Variants in TANGO6 observed in about 807,000 individuals in gnomAD.
The protein encoded by TANGO6 is transport and golgi organization 6 homolog.
TANGO6 carries 90 observed loss-of-function variants against 114.2 expected under a neutral mutation model. The ratio of observed to expected loss-of-function variants is 0.79; its 90% CI spans 0.66 to 0.94. The LOEUF (loss-of-function observed/expected upper bound fraction) is 0.94, where lower values mean the gene tolerates loss of function less well. Among genes scored for constraint, TANGO6 ranks in the 40% least tolerant of loss-of-function variants. The probability of loss-of-function intolerance (pLI) is 0.00; values close to 1 mark genes in which losing one functional copy is unlikely to be tolerated. For synonymous variants in TANGO6, 477 were observed against 509.8 expected, an observed-to-expected ratio of 0.94 and a Z score of 0.87; for missense variants, 1,274 against 1,315.3, an observed-to-expected ratio of 0.97 and a Z score of 0.49.
chr16:68,970,981 C>T (rs1049351083), intron 14 of TANGO6, among the ~76,000 whole-genome samples: 6 of 151,916 alleles, frequency 3.9e-5, no homozygotes, highest in African/African-American at 1.2e-4. Context: ...GGTGAAACCC[C>T]GTCTCTACCA....
intron 12 of TANGO6, among the ~76,000 whole-genome samples, chr16:68,920,301 A>C (rs1452530093): frequency 1.3e-5 from 2 of 152,228 alleles, no homozygotes; most frequent in Non-Finnish European, 2.9e-5. Flanking sequence ...AGGAAGTGTA[A>C]GCGTAAGCTA....
rs879873482 is a variant in TANGO6 at position 68,849,659 on chromosome 16, CA to C, written c.94+5959del. ...TGGGTGACAGAGTGAGACCCTGTCTCAAAAAAAAAAATGAAAAGGAAAAAGA... is the reference window on the plus strand; with the variant it reads ...TGGGTGACAGAGTGAGACCCTGTCTCAAAAAAAAAATGAAAAGGAAAAAGA... On this transcript the variant is annotated intron_variant, in intron 1 of 17. Transcript: ENST00000261778. 8.0e-3 allele frequency among the ~76,000 whole-genome samples: 1,083 copies of C among 135,112 alleles called. 6 individuals are homozygous for C. Among genetic ancestry groups the C allele is most frequent in the Middle Eastern group, 0.015 (4 of 272 alleles). The allele number at this position is 135,112 out of a possible 152,430, so 88.6% of individuals were successfully genotyped here.
chr16:68,897,371 A>G (rs1165066559), intron 7 of TANGO6, among the ~76,000 whole-genome samples: 2 of 152,196 alleles, frequency 1.3e-5, no homozygotes, highest in Non-Finnish European at 2.9e-5. Flanking sequence ...CTTGAAGCAG[A>G]TACTTTGTTC....
At chr16:68,878,490 T>A (rs573567106) in intron 6 of TANGO6, among the ~76,000 whole-genome samples, 2 of 152,306 alleles carry the variant, frequency 1.3e-5, no homozygotes, top group Admixed American at 6.5e-5. Context: ...TAACTTTACA[T>A]TTTGGCCACA....
intron 17 of TANGO6, among the ~76,000 whole-genome samples, chr16:69,078,546 T>C (rs977895672): frequency 2.0e-5 from 3 of 152,036 alleles, no homozygotes; most frequent in Non-Finnish European, 2.9e-5. Context: ...GTCTCATCAC[T>C]CTCTCTCTGC....
At chr16:69,050,042 G>A (rs1959923723) in intron 17 of TANGO6, among the ~76,000 whole-genome samples, 1 of 152,304 alleles carries the variant, frequency 6.6e-6, no homozygotes, top group Admixed American at 6.5e-5. Flanking sequence ...ATGAACATTT[G>A]TGTAGAAGTT....
At chr16:69,032,522 C>T (rs1036957831) in intron 16 of TANGO6, among the ~76,000 whole-genome samples, 2 of 152,004 alleles carry the variant, frequency 1.3e-5, no homozygotes, top group Non-Finnish European at 2.9e-5. Flanking sequence ...CCCGCCTCAG[C>T]CTCCCAAAGT....
intron 7 of TANGO6, among the ~76,000 whole-genome samples, chr16:68,890,012 C>T (rs1223948601): frequency 2.6e-5 from 4 of 152,176 alleles, no homozygotes; most frequent in Non-Finnish European, 4.4e-5. Flanking sequence ...CTTAATTACA[C>T]TCAGCAAGTG....
chr16:68,884,711 A>G (rs1342189321), intron 7 of TANGO6, among the ~76,000 whole-genome samples: 1 of 151,242 alleles, frequency 6.6e-6, no homozygotes, highest in Admixed American at 6.6e-5. Flanking sequence ...TAGAGGGAGA[A>G]AAAAAAAAGC....
At chr16:68,935,994 A>G (rs1963295672) in intron 14 of TANGO6, among the ~76,000 whole-genome samples, 1 of 152,094 alleles carries the variant, frequency 6.6e-6, no homozygotes. Flanking sequence ...CAGCCTAGGC[A>G]ACATAGTGAG....
At chr16:68,947,896 A>G (rs1219419521) in intron 14 of TANGO6, among the ~76,000 whole-genome samples, 1 of 152,004 alleles carries the variant, frequency 6.6e-6, no homozygotes, top group Non-Finnish European at 1.5e-5. Flanking sequence ...CCAGACTACA[A>G]CCCATCTTTT....
chr16:68,882,889 G>T (rs139443594), intron 7 of TANGO6, among the ~76,000 whole-genome samples: 1 of 152,070 alleles, frequency 6.6e-6, no homozygotes, highest in Non-Finnish European at 1.5e-5. Context: ...GTTGTGGTAC[G>T]CGCCTGTAGT....
At chr16:69,046,013 G>A (rs550356000) in intron 17 of TANGO6, among the ~76,000 whole-genome samples, 1 of 142,754 alleles carries the variant, frequency 7.0e-6, no homozygotes, top group South Asian at 2.2e-4. Flanking sequence ...ACAGTGAGCC[G>A]AGATCATGCC....
At chr16:68,986,733 G>A (rs1248365996) in intron 15 of TANGO6, among the ~76,000 whole-genome samples, 1 of 151,888 alleles carries the variant, frequency 6.6e-6, no homozygotes, top group Non-Finnish European at 1.5e-5. Flanking sequence ...GGTGAAACCC[G>A]GTCTCTACTA....
intron 11 of TANGO6, 95 bp downstream of exon 11, chr16:68,909,497 G>A: frequency 8.7e-7 from 1 of 1,151,370 alleles, no homozygotes; most frequent in African/African-American, 1.6e-5. Flanking sequence ...ATGACACCTG[G>A]ATCATGAGGT....
At chr16:68,973,506 C>T (rs975980842) in intron 14 of TANGO6, among the ~76,000 whole-genome samples, 12 of 152,130 alleles carry the variant, frequency 7.9e-5, no homozygotes, top group Non-Finnish European at 1.6e-4. Context: ...ATTATGATAA[C>T]ACTGTTCCAG....
At chr16:68,924,585 C>G (rs573465691) in intron 12 of TANGO6, among the ~76,000 whole-genome samples, 1 of 151,042 alleles carries the variant, frequency 6.6e-6, no homozygotes, top group African/African-American at 2.4e-5. Context: ...GTCAGGAGTT[C>G]GAGACCAGCC....
chr16:68,893,862 C>T (rs1385055732), intron 7 of TANGO6, among the ~76,000 whole-genome samples: 1 of 151,086 alleles, frequency 6.6e-6, no homozygotes, highest in Non-Finnish European at 1.5e-5. Flanking sequence ...TCAGGGAAGA[C>T]CTGCCCCCCG....
intron 15 of TANGO6, among the ~76,000 whole-genome samples, chr16:68,984,710 T>TG (rs1963874821): frequency 6.6e-6 from 1 of 152,136 alleles, no homozygotes; most frequent in African/African-American, 2.4e-5. Flanking sequence ...TTTGTAGATG[T>TG]GGGGTCTCAC....
Sources: gnomAD v4.1 joint callset for allele counts (sites outside exome capture counted in the v4.1 genomes callset) on GRCh38, gnomAD v4.1.1 for gene constraint, MANE v1.5 for transcripts, NCBI Gene and HGNC (gene_info 2026-07-23, HGNC 2026-07-21) for gene names.